Variants in ST8SIA1 observed in about 807,000 individuals in gnomAD.
ST8SIA1 encodes the protein ST8 alpha-N-acetyl-neuraminide alpha-2,8-sialyltransferase 1.
A neutral mutation model predicts 35.9 loss-of-function variants in ST8SIA1; 16 were observed. The observed-to-expected ratio is 0.45, with a 90% confidence interval of 0.30 to 0.68. The LOEUF is 0.68. Among genes scored for constraint, ST8SIA1 ranks in the 30% least tolerant of loss-of-function variants. ST8SIA1 has a pLI of 0.09. For missense variants in ST8SIA1, 383 were observed against 453.6 expected, an observed-to-expected ratio of 0.84 and a Z score of 1.41; for synonymous variants, 170 against 169.6, an observed-to-expected ratio of 1.00 and a Z score of -0.02.
In ST8SIA1 at chr12:22,313,241, T is replaced by G. The variant is rs961871981; in HGVS notation, c.236+20756A>C. ...TAAAGCTCATACATATAAACCCCTT[T>G]GCATGGAAACTGTCACATTTCTCAA... On this transcript the variant is annotated intron_variant, in intron 1 of 4. Coordinates refer to ENST00000396037, the MANE Select transcript of ST8SIA1 (RefSeq NM_003034.4). Among the ~76,000 whole-genome samples, 15 of 152,162 alleles carry G rather than the reference T, an allele frequency of 9.9e-5. No individual in the cohort carries two copies. In the East Asian group the frequency reaches 2.7e-3, roughly 27 times the overall value.
intron 2 of ST8SIA1, among the ~76,000 whole-genome samples, chr12:22,259,657 G>A (rs917005309): frequency 1.5e-4 from 23 of 151,940 alleles, no homozygotes; most frequent in Non-Finnish European, 2.9e-4. Flanking sequence ...TAGTAGAGAT[G>A]GGGTTTCACC....
chr12:22,251,571 C>G (rs573172376), intron 3 of ST8SIA1, among the ~76,000 whole-genome samples: 10 of 152,084 alleles, frequency 6.6e-5, no homozygotes, highest in Non-Finnish European at 1.3e-4. Context: ...GAAAAGCACA[C>G]CAATAATTTT....
intron 1 of ST8SIA1, among the ~76,000 whole-genome samples, chr12:22,323,948 G>A (rs1195882331): frequency 3.3e-5 from 5 of 151,782 alleles, no homozygotes; most frequent in Non-Finnish European, 5.9e-5. Context: ...AAACCACTAC[G>A]GCACATGTTT....
Position 22,334,242 on chromosome 12 carries a change from G to T in ST8SIA1, c.-10C>A. Reference sequence around the variant, plus strand: ...GCCCGCAGGGGCTCATCGCAGCCCCGGCGTCCCAGGGGCGGGGGCCGGGGC... The same window carrying T: ...GCCCGCAGGGGCTCATCGCAGCCCCTGCGTCCCAGGGGCGGGGGCCGGGGC... On this transcript the variant is annotated 5_prime_UTR_variant, in exon 1 of 5. Coordinates refer to ENST00000396037, the MANE Select transcript of ST8SIA1 (RefSeq NM_003034.4). 1 of 1,605,428 alleles carries T rather than the reference G, an allele frequency of 6.2e-7. No homozygotes were observed. The highest frequency in any genetic ancestry group is 8.5e-7 in the Non-Finnish European group (1 of 1,175,486).
At chr12:22,314,694 C>A (rs933875733) in intron 1 of ST8SIA1, among the ~76,000 whole-genome samples, 8 of 152,070 alleles carry the variant, frequency 5.3e-5, no homozygotes, top group African/African-American at 1.9e-4. Context: ...TCTGTTGTGT[C>A]TGTTAGATCT....
At chr12:22,254,059 C>T (rs1432545318) in intron 3 of ST8SIA1, among the ~76,000 whole-genome samples, 4 of 152,126 alleles carry the variant, frequency 2.6e-5, no homozygotes, top group Non-Finnish European at 4.4e-5. Context: ...TACAAAATCT[C>T]GCTCAGCTTT....
intron 1 of ST8SIA1, among the ~76,000 whole-genome samples, chr12:22,320,961 A>AAGAAAGAAAG (rs1866583590): frequency 1.3e-5 from 1 of 79,124 alleles, no homozygotes; most frequent in Non-Finnish European, 2.5e-5. Context: ...AAGAAAGAGA[A>AAGAAAGAAAG]AGAAAGAAAG....
intron 4 of ST8SIA1, among the ~76,000 whole-genome samples, chr12:22,240,605 T>C (rs1008422483): frequency 7.9e-5 from 12 of 152,166 alleles, no homozygotes; most frequent in African/African-American, 2.2e-4. Flanking sequence ...GCATGTATAG[T>C]TTGTGTACAT....
At chr12:22,252,253 TTC>T (rs898791587) in intron 3 of ST8SIA1, among the ~76,000 whole-genome samples, 4 of 152,190 alleles carry the variant, frequency 2.6e-5, no homozygotes, top group Admixed American at 1.3e-4. Context: ...TTTTTGGATG[TTC>T]TCTCTCACTG....
intron 2 of ST8SIA1, among the ~76,000 whole-genome samples, chr12:22,276,984 C>T (rs2135810203): frequency 6.6e-6 from 1 of 152,228 alleles, no homozygotes; most frequent in East Asian, 1.9e-4. Flanking sequence ...TAAAAGAGGC[C>T]AAAGCCAGGG....
intron 1 of ST8SIA1, among the ~76,000 whole-genome samples, chr12:22,306,078 T>C (rs774005179): frequency 1.3e-5 from 2 of 152,132 alleles, no homozygotes; most frequent in Non-Finnish European, 2.9e-5. Flanking sequence ...GGTCATATCT[T>C]TTTCACTGTC....
chr12:22,330,656 T>C (rs1866750424), intron 1 of ST8SIA1, among the ~76,000 whole-genome samples: 1 of 152,218 alleles, frequency 6.6e-6, no homozygotes, highest in Admixed American at 6.5e-5. Context: ...TGGATAATGA[T>C]ATATCAATTT....
At chr12:22,312,967 T>C (rs994906874) in intron 1 of ST8SIA1, among the ~76,000 whole-genome samples, 1 of 152,186 alleles carries the variant, frequency 6.6e-6, no homozygotes, top group Non-Finnish European at 1.5e-5. Context: ...TTTTATGCCA[T>C]AATTTTGGAA....
intron 2 of ST8SIA1, among the ~76,000 whole-genome samples, chr12:22,281,650 G>A (rs1015434967): frequency 1.1e-4 from 17 of 152,090 alleles, no homozygotes; most frequent in African/African-American, 4.1e-4. Context: ...TCCATATCCT[G>A]TATAGCTACA....
chr12:22,205,766 T>A (rs920398930), intron 4 of ST8SIA1, among the ~76,000 whole-genome samples: 7 of 151,848 alleles, frequency 4.6e-5, no homozygotes, highest in African/African-American at 1.7e-4. Context: ...AAATCTATGT[T>A]ACAAAAACTA....
intron 4 of ST8SIA1, among the ~76,000 whole-genome samples, chr12:22,234,928 A>G (rs1865459505): frequency 6.6e-6 from 1 of 152,196 alleles, no homozygotes; most frequent in African/African-American, 2.4e-5. Context: ...TGTATTTGCA[A>G]TAATATTTAT....
intron 1 of ST8SIA1, among the ~76,000 whole-genome samples, chr12:22,331,569 G>C (rs910103267): frequency 6.6e-6 from 1 of 152,196 alleles, no homozygotes; most frequent in Non-Finnish European, 1.5e-5. Context: ...ATGCTTGTTT[G>C]TCAAAGTTGT....
At chr12:22,299,039 C>T (rs187792180) in intron 1 of ST8SIA1, among the ~76,000 whole-genome samples, 4 of 151,230 alleles carry the variant, frequency 2.6e-5, no homozygotes, top group Admixed American at 2.6e-4. Flanking sequence ...AAATGAGAAA[C>T]GAAATGGAGT....
At chr12:22,207,549 G>A (rs1865126456) in intron 4 of ST8SIA1, among the ~76,000 whole-genome samples, 1 of 152,170 alleles carries the variant, frequency 6.6e-6, no homozygotes. Flanking sequence ...GGCGGTCTGA[G>A]ACAGGAGATT....
Sources: gnomAD v4.1 joint callset for allele counts (sites outside exome capture counted in the v4.1 genomes callset) on GRCh38, gnomAD v4.1.1 for gene constraint, MANE v1.5 for transcripts, NCBI Gene and HGNC (gene_info 2026-07-23, HGNC 2026-07-21) for gene names.